The following NF1 variants were observed in gnomAD, a reference collection of about 807,000 sequenced individuals.
The protein encoded by NF1 is neurofibromin.
A neutral mutation model predicts 325.7 loss-of-function variants in NF1; 122 were observed. The ratio of observed to expected loss-of-function variants is 0.37; its 90% CI spans 0.32 to 0.44. The LOEUF is 0.44. Ranked by LOEUF, NF1 falls within the 20% of genes least tolerant of loss-of-function variation. The pLI, the probability that NF1 is intolerant of heterozygous loss-of-function variation, is 1.00. For synonymous variants in NF1, 1,091 were observed against 1,186.0 expected, an observed-to-expected ratio of 0.92 and a Z score of 1.65; for missense variants, 2,140 against 3,415.4, an observed-to-expected ratio of 0.63 and a Z score of 9.31.
At chr17:31,274,603 A>C (rs770981932) in intron 36 of NF1, among the ~76,000 whole-genome samples, 9 of 152,154 alleles carry the variant, frequency 5.9e-5, no homozygotes, top group Non-Finnish European at 1.0e-4. Flanking sequence ...AACAAACAAA[A>C]AAAAACTACT....
chr17:31,337,058 A>G (rs2069695601), intron 42 of NF1, 144 bp downstream of exon 42: 5 of 853,602 alleles, frequency 5.9e-6, no homozygotes, highest in Admixed American at 2.6e-5. Flanking sequence ...AAATATTACC[A>G]AAAAGAAAAT....
chr17:31,172,293 G>T (rs1010993705), intron 5 of NF1, among the ~76,000 whole-genome samples: 1 of 152,078 alleles, frequency 6.6e-6, no homozygotes, highest in African/African-American at 2.4e-5. Flanking sequence ...TTGTGCCACT[G>T]CATTCCAGCC....
intron 8 of NF1, among the ~76,000 whole-genome samples, chr17:31,196,515 A>C (rs1369903606): frequency 6.6e-6 from 1 of 152,104 alleles, no homozygotes. Flanking sequence ...GTGTCGTTTG[A>C]TACACAAAAG....
chr17:31,261,639 T>C (rs1351399477), intron 34 of NF1, 72 bp from the exon 35 acceptor site: 5 of 1,562,362 alleles, frequency 3.2e-6, no homozygotes, highest in Non-Finnish European at 3.5e-6. Flanking sequence ...AGCAACCAGT[T>C]ACAAGTTAAA....
At position 31,326,151 on chromosome 17, in the gene NF1, C is replaced by A. The variant is rs766727694; in HGVS notation, c.5167C>A (p.Gln1723Lys). ...ACTGGCTGAGCACATAGAGCATGAA[C>A]AACAGAAACTACCTGCTGCCACCTT... ...GKLAEHIEHEQQKLPAATLAL... is the reference protein window; with the variant it reads ...GKLAEHIEHEKQKLPAATLAL... Residue 1723 changes from glutamine (Q) to lysine (K), a missense_variant, in exon 37 of 58, where the codon CAA becomes AAA. By Grantham distance (53) the Gln-to-Lys change is moderately conservative. This residue lies in a region of NF1 where 147 missense variants were observed against 186.7 expected (regional missense o/e 0.79). Transcript: ENST00000358273. The A allele has an allele frequency of 1.2e-6, 2 of 1,612,864 alleles. No homozygotes were observed.
chr17:31,368,005 T>C (rs2070563586), intron 57 of NF1, among the ~76,000 whole-genome samples: 1 of 152,108 alleles, frequency 6.6e-6, no homozygotes, highest in African/African-American at 2.4e-5. Context: ...AGGACTAAGA[T>C]GAAAAAATTT....
intron 30 of NF1, chr17:31,250,266 G>A: frequency 3.7e-6 from 1 of 271,100 alleles, no homozygotes; most frequent in Non-Finnish European, 7.3e-6. Flanking sequence ...CTAAAGGGTA[G>A]TTTAGTTATA....
chr17:31,296,448 C>G lies in NF1; in HGVS notation c.4836-29372C>G, dbSNP rs2068467226. ...TCAATAAACCTCGTTGTTGTCGAGT[C>G]CTTTTATAATTGTTCCAGTGATTAA... On this transcript the variant is annotated intron_variant, in intron 36 of 57. Coordinates refer to ENST00000358273, the MANE Select transcript of NF1 (RefSeq NM_001042492.3). 6.1e-6 allele frequency: 6 copies of G among 985,514 alleles called. No homozygotes were observed. The East Asian group carries it at 1.4e-4, about 24-fold the overall frequency. The allele number at this position is 985,514 out of a possible 1,614,324, so 61.0% of individuals were successfully genotyped here.
intron 1 of NF1, among the ~76,000 whole-genome samples, chr17:31,153,663 G>T (rs534603087): frequency 1.1e-4 from 16 of 152,216 alleles, no homozygotes; most frequent in African/African-American, 3.9e-4. Flanking sequence ...TCGCTCTGTT[G>T]CCCAGGCTGG....
At chr17:31,279,158 GA>G (rs1236737366) in intron 36 of NF1, among the ~76,000 whole-genome samples, 6 of 152,098 alleles carry the variant, frequency 3.9e-5, no homozygotes, top group Non-Finnish European at 8.8e-5. Context: ...GAGGCAAGTA[GA>G]TCGCCTGACC....
At chr17:31,318,740 G>A (rs777281841) in intron 36 of NF1, 3 of 1,613,924 alleles carry the variant, frequency 1.9e-6, no homozygotes, top group Non-Finnish European at 2.5e-6. Flanking sequence ...TAAAGCTCCT[G>A]TTCAGATTTA....
chr17:31,202,008 AATATTAACATACTTT>A (rs2066539339), intron 11 of NF1, among the ~76,000 whole-genome samples: 1 of 152,204 alleles, frequency 6.6e-6, no homozygotes, highest in South Asian at 2.1e-4. Context: ...AACAAAATGA[AATATTAACATACTTT>A]AAAGTAGGTA....
intron 30 of NF1, chr17:31,251,243 T>C (rs1055356659): frequency 3.9e-5 from 8 of 206,512 alleles, no homozygotes; most frequent in African/African-American, 6.9e-5. Context: ...CCTGCTCTTC[T>C]GTGTTCTGCC....
chr17:31,165,767 G>T (rs558196196), intron 4 of NF1, among the ~76,000 whole-genome samples: 78 of 152,268 alleles, frequency 5.1e-4, no homozygotes, highest in Middle Eastern at 3.4e-3. Context: ...ATGTCTCACT[G>T]CAGCCTCGAC....
intron 31 of NF1, among the ~76,000 whole-genome samples, chr17:31,258,123 C>A (rs765135814): frequency 2.0e-5 from 3 of 151,870 alleles, no homozygotes; most frequent in Non-Finnish European, 4.4e-5. Flanking sequence ...GTTTTTCTTT[C>A]CTCTGAGATA....
chr17:31,243,178 C>G (rs930343786), intron 29 of NF1, among the ~76,000 whole-genome samples: 6 of 75,310 alleles, frequency 8.0e-5, no homozygotes, highest in East Asian at 1.0e-3. Flanking sequence ...CAGTCTCTCT[C>G]TCTGTCTGTG....
intron 4 of NF1, among the ~76,000 whole-genome samples, chr17:31,166,887 C>T (rs1429987555): frequency 6.6e-6 from 1 of 152,138 alleles, no homozygotes; most frequent in Non-Finnish European, 1.5e-5. Flanking sequence ...AGGGCTGGGT[C>T]ATGTACTTGT....
chr17:31,212,052 A>G (rs2066737563), intron 12 of NF1, among the ~76,000 whole-genome samples: 1 of 152,192 alleles, frequency 6.6e-6, no homozygotes. Context: ...TTTGACTTGT[A>G]ATAACACTTA....
At chr17:31,108,460 G>C (rs1398645027) in intron 1 of NF1, among the ~76,000 whole-genome samples, 1 of 151,822 alleles carries the variant, frequency 6.6e-6, no homozygotes, top group Non-Finnish European at 1.5e-5. Flanking sequence ...ATTTTTTGTA[G>C]AGACAGGGTT....
Sources: allele counts gnomAD v4.1 joint callset (sites outside exome capture counted in the v4.1 genomes callset), GRCh38; gene constraint gnomAD v4.1.1; regional missense constraint gnomAD v4.1.1; transcripts MANE v1.5; gene names NCBI Gene and HGNC (gene_info 2026-07-23, HGNC 2026-07-21).